Variants in IL7 observed in about 807,000 individuals in gnomAD.
IL7 encodes the protein interleukin 7.
In IL7, 3 loss-of-function variants were observed where a neutral mutation model predicts 21.6. That is an observed-to-expected ratio of 0.14 (90% CI 0.06 to 0.36). The LOEUF (loss-of-function observed/expected upper bound fraction) is 0.36, where lower values mean the gene tolerates loss of function less well. Ranked by LOEUF, IL7 falls within the 10% of genes least tolerant of loss-of-function variation. The pLI, the probability that IL7 is intolerant of heterozygous loss-of-function variation, is 1.00. For missense variants in IL7, 175 were observed against 200.2 expected (o/e 0.87, Z 0.76); for synonymous variants, 62 against 68.1 (o/e 0.91, Z 0.44).
chr8:78,717,436 C>A (rs780581410), downstream of IL7: 1 of 1,612,784 alleles, frequency 6.2e-7, no homozygotes, highest in Admixed American at 1.7e-5. Context: ...GGACTAAATA[C>A]CCTGTAGAAT....
At chr8:78,755,386 G>C (rs1454876145) in intron 2 of IL7, among the ~76,000 whole-genome samples, 1 of 151,886 alleles carries the variant, frequency 6.6e-6, no homozygotes, top group Non-Finnish European at 1.5e-5. Context: ...TTATGATAGG[G>C]ATTGCATTAA....
Position 78,697,449 on chromosome 8 carries a change from G to T in IL7, n.215-11502C>A, listed in dbSNP as rs936698882. 5 of 1,609,768 alleles carry T rather than the reference G, an allele frequency of 3.1e-6. No individual in the cohort carries two copies. In the East Asian group the frequency reaches 1.1e-4, roughly 36 times the overall value. ...TAAAAAGTCAAATTCTCCTGGAACT[G>T]CATCATCAGGATCTTCACGATTACC... On this transcript the variant is annotated intron_variant and non_coding_transcript_variant, in intron 3 of 4. Transcript: ENST00000523959.
At chr8:78,787,052 T>G (rs1813533704) in intron 2 of IL7, among the ~76,000 whole-genome samples, 1 of 152,230 alleles carries the variant, frequency 6.6e-6, no homozygotes, top group African/African-American at 2.4e-5. Context: ...GCTCCAGACC[T>G]GTTCTCCCAT....
intron 2 of IL7, among the ~76,000 whole-genome samples, chr8:78,782,031 G>A (rs1035700197): frequency 2.6e-5 from 4 of 152,098 alleles, no homozygotes; most frequent in Admixed American, 6.5e-5. Flanking sequence ...TGGTTGCATT[G>A]GGAAGTTCTT....
In IL7 at chr8:78,748,843, AAAACAGC is replaced by A. The variant is rs1812068851; in HGVS notation, c.148-8768_148-8762del. Among the ~76,000 whole-genome samples the A allele has an allele frequency of 2.0e-5, 3 of 152,228 alleles. No individual in the cohort carries two copies. The South Asian group carries it at 6.2e-4, about 32-fold the overall frequency. On this transcript the variant is annotated intron_variant, in intron 2 of 5. Coordinates refer to ENST00000263851, the MANE Select transcript of IL7 (RefSeq NM_000880.4). ...TTGTTCAAAATTTATCTACATAAAG[AAAACAGC>A]TAAAATAGAAAAGAAAGCTAATAAT...
chr8:78,727,297 C>T (rs1022847708), intron 3 of IL7, among the ~76,000 whole-genome samples: 1 of 152,028 alleles, frequency 6.6e-6, no homozygotes, highest in African/African-American at 2.4e-5. Flanking sequence ...TCTTTTCAAG[C>T]TGCATGACAT....
chr8:78,695,826 C>G (rs928825774), intron 3 of IL7, among the ~76,000 whole-genome samples: 4 of 152,126 alleles, frequency 2.6e-5, no homozygotes, highest in African/African-American at 9.7e-5. Flanking sequence ...TGGCATAATA[C>G]TGCAAAACGT....
rs138283686 is a variant in IL7 at position 78,758,260 on chromosome 8, A to G, written c.148-18178T>C. Among the ~76,000 whole-genome samples, 927 of 152,226 alleles carry G rather than the reference A, an allele frequency of 6.1e-3. 8 individuals carry two copies. Among genetic ancestry groups the G allele is most frequent in the African/African-American group, 0.021 (879 of 41,578 alleles). ...TAATTGTAGAATTTAAACCATTTAC[A>G]TTCAATGTTGTTAATAATAGGTGAG... On this transcript the variant is annotated intron_variant, in intron 2 of 5. Coordinates refer to ENST00000263851, the MANE Select transcript of IL7 (RefSeq NM_000880.4).
chr8:78,707,824 A>G (rs1433689145), intron 3 of IL7, among the ~76,000 whole-genome samples: 2 of 150,756 alleles, frequency 1.3e-5, no homozygotes, highest in Non-Finnish European at 3.0e-5. Flanking sequence ...ATAGCTGTCT[A>G]TTTAGTGACA....
At chr8:78,731,775 G>A (rs1303641015), downstream of IL7, among the ~76,000 whole-genome samples, 1 of 151,914 alleles carries the variant, frequency 6.6e-6, no homozygotes, top group African/African-American at 2.4e-5. Flanking sequence ...TTTTCCAAAC[G>A]TTTGGCACAC....
chr8:78,792,843 G>T (rs765074647), intron 2 of IL7, among the ~76,000 whole-genome samples: 1 of 152,116 alleles, frequency 6.6e-6, no homozygotes, highest in Non-Finnish European at 1.5e-5. Context: ...AAATGGTGCA[G>T]CCTCTTTAGA....
At chr8:78,715,234 C>T (rs1811062507), downstream of IL7, 1 of 1,613,506 alleles carries the variant, frequency 6.2e-7, no homozygotes, top group Non-Finnish European at 8.5e-7. Flanking sequence ...TAATGTCAAA[C>T]CCCGAAATTC....
At position 78,740,137 on chromosome 8, in the gene IL7, T is replaced by C. The variant is rs150091433; in HGVS notation, c.148-55A>G. On this transcript the variant is annotated intron_variant, in intron 2 of 5. Coordinates refer to ENST00000263851, the MANE Select transcript of IL7 (RefSeq NM_000880.4). ...TAAAACTGAGTACTTTTCTAATATCTTGTAATTATAAAAAATAATAATCTT... is the reference window on the plus strand; with the variant it reads ...TAAAACTGAGTACTTTTCTAATATCCTGTAATTATAAAAAATAATAATCTT... The C allele has an allele frequency of 2.7e-4, 275 of 1,004,918 alleles. 1 individual carries two copies. In the East Asian group the frequency reaches 9.1e-3, roughly 33 times the overall value. The allele number at this position is 1,004,918 out of a possible 1,614,324, so 62.3% of individuals were successfully genotyped here. A position where few individuals can be genotyped will look rare whatever the true frequency, so the allele number is the denominator to read the frequency against.
intron 1 of IL7, 27 bp downstream of exon 1, chr8:78,804,886 T>C (rs1181647543): frequency 6.2e-7 from 1 of 1,612,646 alleles, no homozygotes; most frequent in Admixed American, 1.7e-5. Context: ...GCGCGCGAAC[T>C]TGTGCGCAAG....
downstream of IL7, among the ~76,000 whole-genome samples, chr8:78,715,695 T>A (rs542257715): frequency 6.6e-6 from 1 of 152,114 alleles, no homozygotes; most frequent in South Asian, 2.1e-4. Flanking sequence ...AGAACTAGAA[T>A]CAGAAGGGAA....
chr8:78,765,045 T>C (rs771108488), intron 2 of IL7, among the ~76,000 whole-genome samples: 1 of 152,110 alleles, frequency 6.6e-6, no homozygotes, highest in Non-Finnish European at 1.5e-5. Flanking sequence ...AATCCATTGA[T>C]TTTTGACAAA....
downstream of IL7, among the ~76,000 whole-genome samples, chr8:78,732,304 A>G (rs1233860001): frequency 2.6e-5 from 4 of 152,174 alleles, no homozygotes; most frequent in Non-Finnish European, 4.4e-5. Context: ...ATGGAAGTGT[A>G]TACAATTCTA....
In IL7 at chr8:78,727,426, TAGAAGAATAGTAC is replaced by T. The variant is rs1811357286; in HGVS notation, n.268-5999_268-5987del. 2.0e-5 allele frequency among the ~76,000 whole-genome samples: 3 copies of T among 152,030 alleles called. No individual in the cohort carries two copies. The South Asian group carries it at 6.2e-4, about 31-fold the overall frequency. On this transcript the variant is annotated intron_variant and non_coding_transcript_variant, in intron 3 of 6. Coordinates refer to the IL7 transcript ENST00000519833. Reference sequence around the variant, plus strand: ...CACATGATTAAAGAACATGGCCACTTAGAAGAATAGTACAGAATCCTTTTCAGGTCATGTTGAC... The same window carrying T: ...CACATGATTAAAGAACATGGCCACTTAGAATCCTTTTCAGGTCATGTTGAC...
At chr8:78,787,000 T>C (rs1813531000) in intron 2 of IL7, among the ~76,000 whole-genome samples, 1 of 152,164 alleles carries the variant, frequency 6.6e-6, no homozygotes, top group Non-Finnish European at 1.5e-5. Context: ...GCTGAACATG[T>C]GGAGGTATTT....
Sources: allele counts gnomAD v4.1 joint callset (sites outside exome capture counted in the v4.1 genomes callset), GRCh38; gene constraint gnomAD v4.1.1; transcripts MANE v1.5; gene names NCBI Gene and HGNC (gene_info 2026-07-23, HGNC 2026-07-21).